Variants in TOM1L2 observed in about 807,000 individuals in gnomAD.
TOM1L2 encodes the protein target of myb1 like 2 membrane trafficking protein.
Under a neutral mutation model 67.9 loss-of-function variants are expected in TOM1L2, and 31 were observed. That is an observed-to-expected ratio of 0.46 (90% CI 0.34 to 0.62). The LOEUF is 0.62. Ranked by LOEUF, TOM1L2 falls within the 20% of genes least tolerant of loss-of-function variation. TOM1L2 has a pLI of 0.01. For synonymous variants in TOM1L2, 256 were observed against 254.0 expected, an observed-to-expected ratio of 1.01 and a Z score of -0.07; for missense variants, 606 against 663.5, an observed-to-expected ratio of 0.91 and a Z score of 0.95.
chr17:17,921,812 T>C (rs2039887069), intron 1 of TOM1L2, among the ~76,000 whole-genome samples: 1 of 152,204 alleles, frequency 6.6e-6, no homozygotes, highest in South Asian at 2.1e-4. Context: ...TGCAGTCTGC[T>C]TTGCTGCCAA....
intron 1 of TOM1L2, among the ~76,000 whole-genome samples, chr17:17,959,436 AC>A (rs2041599140): frequency 6.6e-6 from 1 of 152,180 alleles, no homozygotes; most frequent in Non-Finnish European, 1.5e-5. Context: ...TGTTTCCACA[AC>A]CTGCAAAAAT....
chr17:17,891,205 A>T (rs895750866), intron 4 of TOM1L2, among the ~76,000 whole-genome samples: 1 of 152,218 alleles, frequency 6.6e-6, no homozygotes, highest in Admixed American at 6.5e-5. Flanking sequence ...CAGCAGGGGG[A>T]GGCCTCAGAA....
At chr17:17,885,319 C>T (rs1302932634) in intron 4 of TOM1L2, among the ~76,000 whole-genome samples, 2 of 152,250 alleles carry the variant, frequency 1.3e-5, no homozygotes, top group African/African-American at 4.8e-5. Context: ...TAATGCTGAG[C>T]TTGTCTAGCC....
At chr17:17,869,269 G>T in intron 8 of TOM1L2, 71 bp downstream of exon 8, 1 of 1,583,668 alleles carries the variant, frequency 6.3e-7, no homozygotes, top group Non-Finnish European at 8.5e-7. Context: ...CTTTGTTTAT[G>T]AAAGAAATCC....
At chr17:17,948,755 G>C (rs982669064) in intron 1 of TOM1L2, among the ~76,000 whole-genome samples, 2 of 152,092 alleles carry the variant, frequency 1.3e-5, no homozygotes, top group African/African-American at 4.8e-5. Flanking sequence ...CTCTTGCTAA[G>C]AGTGAGATCA....
chr17:17,892,277 C>T (rs1052447311), intron 4 of TOM1L2, among the ~76,000 whole-genome samples: 1 of 152,140 alleles, frequency 6.6e-6, no homozygotes, highest in African/African-American at 2.4e-5. Flanking sequence ...CGGCCTGCCC[C>T]GGCACTCCAC....
rs188984654 is a variant in TOM1L2 at position 17,893,760 on chromosome 17, C to T, written c.267G>A (p.Val89=). The T allele has an allele frequency of 1.8e-4, 289 of 1,614,104 alleles. 1 individual carries two copies. The African/African-American group carries it at 3.6e-3, about 20-fold the overall frequency. ...CACTGTCGATGAAATCTCGGTTGGC[C>T]ACAAGGATGTGGAAGCGGTGGCCAC... is the stretch of plus-strand genomic sequence containing the variant. ...KNCGHRFHIL[V]ANRDFIDSVL... is the part of the protein sequence containing the mutation. The change falls in exon 4 of 15, where the codon GTG becomes GTA. Residue 89 remains valine, a synonymous_variant. Coordinates refer to ENST00000379504, the MANE Select transcript of TOM1L2 (RefSeq NM_001082968.2).
chr17:17,868,907 C>T (rs961310272), intron 8 of TOM1L2: 1 of 164,972 alleles, frequency 6.1e-6, no homozygotes. Context: ...TTTCTTTTTT[C>T]TTTTTTTTTA....
intron 1 of TOM1L2, among the ~76,000 whole-genome samples, chr17:17,927,564 C>A (rs997660688): frequency 4.6e-5 from 7 of 152,040 alleles, no homozygotes; most frequent in African/African-American, 1.5e-4. Flanking sequence ...ACAGAAAACA[C>A]TAGGGAATCT....
intron 1 of TOM1L2, among the ~76,000 whole-genome samples, chr17:17,912,184 G>T (rs570462959): frequency 5.9e-4 from 90 of 152,350 alleles, no homozygotes; most frequent in African/African-American, 2.1e-3. Flanking sequence ...CCTCCCAGAC[G>T]GGGTGGTGGC....
Position 17,869,410 on chromosome 17 carries a change from T to C in TOM1L2, c.841A>G (p.Asn281Asp). The change falls in exon 8 of 15, where the codon AAT becomes GAT. Residue 281 changes from asparagine (N) to aspartate (D), a missense_variant. Asn to Asp is a conservative substitution (Grantham distance 23). Around this residue, in one of 2 missense-constraint regions of TOM1L2, gnomAD observed 543 missense variants for 554.0 expected, o/e 0.98. Coordinates refer to ENST00000379504, the MANE Select transcript of TOM1L2 (RefSeq NM_001082968.2). Reference sequence around the variant, plus strand: ...AGCAGCTCCTCGGTGACCTCCTCATTGGACACGCGGGAGATGAGCTCCACG... The same window carrying C: ...AGCAGCTCCTCGGTGACCTCCTCATCGGACACGCGGGAGATGAGCTCCACG... The part of the protein sequence containing the change: ...RIVELISRVS[N>D]EEVTEELLHV... 1.2e-6 allele frequency: 2 copies of C among 1,613,728 alleles called. No homozygotes were observed. Among genetic ancestry groups the C allele is most frequent in the African/African-American group, 2.7e-5 (2 of 75,028 alleles).
intron 1 of TOM1L2, among the ~76,000 whole-genome samples, chr17:17,955,325 CTTTTTT>C (rs67575563): frequency 1.6e-4 from 17 of 108,144 alleles, no homozygotes; most frequent in South Asian, 6.3e-4. Context: ...CACACAATTC[CTTTTTT>C]TTTTTTTTTT....
At chr17:17,933,937 C>T (rs1263108022) in intron 1 of TOM1L2, among the ~76,000 whole-genome samples, 1 of 151,874 alleles carries the variant, frequency 6.6e-6, no homozygotes, top group South Asian at 2.1e-4. Context: ...AGCATGAGAC[C>T]CTGCCTGAGA....
intron 7 of TOM1L2, among the ~76,000 whole-genome samples, chr17:17,875,192 G>A (rs984892381): frequency 6.6e-6 from 1 of 151,620 alleles, no homozygotes; most frequent in Admixed American, 6.6e-5. Flanking sequence ...AGGAGGCAGA[G>A]GTTCAGTAAG....
Position 17,862,794 on chromosome 17 carries a change from G to T in TOM1L2, c.1139C>A (p.Pro380His). 1.2e-6 allele frequency: 2 copies of T among 1,614,112 alleles called. No homozygotes were observed. The highest frequency in any genetic ancestry group is 1.7e-6 in the Non-Finnish European group (2 of 1,180,020). ...GTLSSLQQCN[P>H]RDGFDMFAQT... is the part of the protein sequence containing the mutation. ...GGCAAACATGTCAAAGCCGTCACGG[G>T]GATTACATTGCTGGAGTGAACTGAG... Residue 380 changes from proline to histidine, a missense_variant, in exon 11 of 15, where the codon CCC (proline) becomes CAC (histidine). Physicochemically the swap from Pro to His is moderately conservative, Grantham distance 77. Transcript: ENST00000379504.
chr17:17,898,513 G>A, intron 3 of TOM1L2, 83 bp downstream of exon 3: 3 of 1,424,006 alleles, frequency 2.1e-6, no homozygotes, highest in Non-Finnish European at 3.0e-6. Flanking sequence ...TAAGTGGGCA[G>A]AGGGAAGGCC....
chr17:17,893,884 C>G (rs1215537397), intron 3 of TOM1L2, 74 bp from the exon 4 acceptor site: 7 of 1,490,280 alleles, frequency 4.7e-6, no homozygotes, highest in Non-Finnish European at 5.5e-6. Flanking sequence ...AGGAGCGCAG[C>G]TGAGTTTCCA....
intron 1 of TOM1L2, among the ~76,000 whole-genome samples, chr17:17,966,163 T>C (rs2041864551): frequency 6.6e-6 from 1 of 151,930 alleles, no homozygotes; most frequent in African/African-American, 2.4e-5. Context: ...CCCAAAAGCC[T>C]TTAGCTATTA....
chr17:17,889,680 A>G (rs1190769902), intron 4 of TOM1L2, among the ~76,000 whole-genome samples: 3 of 152,152 alleles, frequency 2.0e-5, no homozygotes, highest in African/African-American at 7.2e-5. Context: ...CATTCGATCT[A>G]CTTTTCCATA....
Sources: allele counts gnomAD v4.1 joint callset (sites outside exome capture counted in the v4.1 genomes callset), GRCh38; gene constraint gnomAD v4.1.1; regional missense constraint gnomAD v4.1.1; transcripts MANE v1.5; gene names NCBI Gene and HGNC (gene_info 2026-07-23, HGNC 2026-07-21).